Variants in PPFIA2 observed in about 807,000 individuals in gnomAD.
PPFIA2 encodes liprin-alpha-2.
A neutral mutation model predicts 175.5 loss-of-function variants in PPFIA2; 46 were observed. The ratio of observed to expected loss-of-function variants is 0.26; its 90% CI spans 0.21 to 0.34. The LOEUF (loss-of-function observed/expected upper bound fraction) is 0.34. Ranked by LOEUF, PPFIA2 falls within the 10% of genes least tolerant of loss-of-function variation. PPFIA2 has a pLI of 1.00. For missense variants in PPFIA2, 1,179 were observed against 1,506.1 expected, an observed-to-expected ratio of 0.78 and a Z score of 3.60; for synonymous variants, 568 against 511.4, an observed-to-expected ratio of 1.11 and a Z score of -1.49.
At chr12:81,301,772 A>G (rs1461848256) in intron 22 of PPFIA2, among the ~76,000 whole-genome samples, 1 of 152,052 alleles carries the variant, frequency 6.6e-6, no homozygotes, top group East Asian at 1.9e-4. Context: ...CTTCCCCTCT[A>G]TCTCTACATG....
At chr12:81,259,753 G>T in intron 32 of PPFIA2, 93 bp from the exon 33 acceptor site, 1 of 1,048,758 alleles carries the variant, frequency 9.5e-7, no homozygotes, top group Non-Finnish European at 1.4e-6. Flanking sequence ...CACGCAGCCT[G>T]CTTACTCCTG....
intron 4 of PPFIA2, chr12:81,506,140 A>G (rs747269894): frequency 6.6e-6 from 1 of 152,240 alleles, no homozygotes. Context: ...TGAGGATGTC[A>G]GAAGTTATCT....
Position 81,448,182 on chromosome 12 carries a change from A to G in PPFIA2, c.406-2462T>C, listed in dbSNP as rs149164263. 9.5e-4 allele frequency among the ~76,000 whole-genome samples: 145 copies of G among 152,264 alleles called. 4 individuals carry two copies. In the East Asian group the frequency reaches 0.028, roughly 29 times the overall value. On this transcript the variant is annotated intron_variant, in intron 5 of 32. Transcript: ENST00000549396. ...ATATCTGTTATTAGAGACTACCTAA[A>G]TCTTTTGATCACACTCTTCACATTT...
intron 18 of PPFIA2, 135 bp downstream of exon 18, chr12:81,347,398 G>A: frequency 1.2e-6 from 1 of 801,928 alleles, no homozygotes; most frequent in East Asian, 2.6e-5. Context: ...ACATAGGGAT[G>A]TTGTGAATAA....
chr12:81,320,934 C>A (rs2053522919), intron 22 of PPFIA2, among the ~76,000 whole-genome samples: 2 of 151,718 alleles, frequency 1.3e-5, no homozygotes, highest in South Asian at 4.2e-4. Flanking sequence ...GTCAGATAGT[C>A]CAGCATAACA....
chr12:81,263,442 G>A (rs2036263931), intron 30 of PPFIA2, 52 bp from the exon 31 acceptor site: 1 of 1,506,862 alleles, frequency 6.6e-7, no homozygotes, highest in Non-Finnish European at 9.2e-7. Context: ...ACTAGTCCAT[G>A]TGCTTAAAGC....
chr12:81,576,214 C>G (rs909976911), intron 4 of PPFIA2, among the ~76,000 whole-genome samples: 1 of 151,578 alleles, frequency 6.6e-6, no homozygotes, highest in Non-Finnish European at 1.5e-5. Flanking sequence ...TATTTGGAGG[C>G]AGGTAGCAGT....
intron 6 of PPFIA2, among the ~76,000 whole-genome samples, chr12:81,442,618 T>C (rs117538921): frequency 0.014 from 2,091 of 151,354 alleles, 21 homozygotes; most frequent in Non-Finnish European, 0.02. Context: ...TGTAGAGTAA[T>C]TTCAAAATTA....
Position 81,406,046 on chromosome 12 carries a change from A to C in PPFIA2, c.646-143T>G, listed in dbSNP as rs1045233076. 5.7e-6 allele frequency: 3 copies of C among 526,842 alleles called. No individual in the cohort carries two copies. In the African/African-American group the frequency reaches 5.9e-5, roughly 10 times the overall value. The allele number at this position is 526,842 out of a possible 1,614,324, so 32.6% of individuals were successfully genotyped here. A position where few individuals can be genotyped will look rare whatever the true frequency, so the allele number is the denominator to read the frequency against. ...GAACATTACATTTTACTGAATTATTATTCAAAATATGTGTTTCAATGTAGG... is the reference window on the plus strand; with the variant it reads ...GAACATTACATTTTACTGAATTATTCTTCAAAATATGTGTTTCAATGTAGG... On this transcript the variant is annotated intron_variant, in intron 7 of 32. Transcript: ENST00000549396.
chr12:81,725,488 C>T (rs2079946662), intron 3 of PPFIA2, among the ~76,000 whole-genome samples: 1 of 150,708 alleles, frequency 6.6e-6, no homozygotes, highest in Admixed American at 6.6e-5. Flanking sequence ...CACTGCCTAT[C>T]CGAACCTATT....
intron 22 of PPFIA2, among the ~76,000 whole-genome samples, chr12:81,300,608 G>T (rs1431007578): frequency 6.6e-6 from 1 of 152,122 alleles, no homozygotes; most frequent in Non-Finnish European, 1.5e-5. Flanking sequence ...TTCATTTGAG[G>T]GGATAGAAGT....
rs1163788868 is a variant in PPFIA2 at position 81,258,468 on chromosome 12, T to C, written c.*1226A>G. On this transcript the variant is annotated 3_prime_UTR_variant, in exon 33 of 33. Coordinates refer to ENST00000549396, the MANE Select transcript of PPFIA2 (RefSeq NM_003625.5). Reference sequence around the variant, plus strand: ...AGCAGAAAATCAGCAGTTAGATAAATGGTATTATTAAATAGGCTTTACTTT... The same window carrying C: ...AGCAGAAAATCAGCAGTTAGATAAACGGTATTATTAAATAGGCTTTACTTT... 1 of 152,114 alleles carries C rather than the reference T, an allele frequency of 6.6e-6. No individual in the cohort carries two copies. The highest frequency in any genetic ancestry group is 1.5e-5 in the Non-Finnish European group (1 of 68,018). The allele number at this position is 152,114 out of a possible 1,614,324, so 9.4% of individuals were successfully genotyped here.
intron 6 of PPFIA2, among the ~76,000 whole-genome samples, chr12:81,444,948 T>A (rs2050937245): frequency 6.6e-6 from 1 of 152,084 alleles, no homozygotes; most frequent in Non-Finnish European, 1.5e-5. Flanking sequence ...CAGTAGAACT[T>A]ATTCGAGTAA....
chr12:81,519,064 A>C (rs897771732), intron 4 of PPFIA2, among the ~76,000 whole-genome samples: 1 of 152,168 alleles, frequency 6.6e-6, no homozygotes, highest in Non-Finnish European at 1.5e-5. Flanking sequence ...TCTTTTTGTC[A>C]TATAACATAC....
chr12:81,343,470 A>C (rs1226991507), intron 19 of PPFIA2, among the ~76,000 whole-genome samples: 2 of 152,136 alleles, frequency 1.3e-5, no homozygotes, highest in African/African-American at 4.8e-5. Context: ...CAGGAAAATA[A>C]AATGGTAATT....
chr12:81,692,521 C>T (rs1446878155), intron 3 of PPFIA2, among the ~76,000 whole-genome samples: 2 of 152,156 alleles, frequency 1.3e-5, no homozygotes, highest in Non-Finnish European at 2.9e-5. Flanking sequence ...GTTCACCATA[C>T]AAGTGCTCAT....
intron 3 of PPFIA2, among the ~76,000 whole-genome samples, chr12:81,681,339 T>C (rs910251900): frequency 8.5e-5 from 13 of 152,058 alleles, no homozygotes; most frequent in African/African-American, 2.9e-4. Flanking sequence ...TTAACACAGC[T>C]GTGCAGATTC....
At chr12:81,494,536 C>T (rs992173205) in intron 4 of PPFIA2, among the ~76,000 whole-genome samples, 28 of 151,274 alleles carry the variant, frequency 1.9e-4, no homozygotes, top group Non-Finnish European at 2.5e-4. Context: ...GTCAGTGTGG[C>T]GATTCCTCAG....
At chr12:81,721,771 T>G (rs896686044) in intron 3 of PPFIA2, among the ~76,000 whole-genome samples, 1 of 151,256 alleles carries the variant, frequency 6.6e-6, no homozygotes, top group Non-Finnish European at 1.5e-5. Context: ...ACACATTTTT[T>G]AGTCACATAA....
Sources: allele counts gnomAD v4.1 joint callset (sites outside exome capture counted in the v4.1 genomes callset), GRCh38; gene constraint gnomAD v4.1.1; transcripts MANE v1.5; gene names NCBI Gene and HGNC (gene_info 2026-07-23, HGNC 2026-07-21).